Variants in LANCL1 observed in about 807,000 individuals in gnomAD.
The protein encoded by LANCL1 is LanC like glutathione S-transferase 1.
In LANCL1, 50 loss-of-function variants were observed where a neutral mutation model predicts 50.6. The ratio of observed to expected loss-of-function variants is 0.99; its 90% CI spans 0.79 to 1.25. The LOEUF is 1.25. Ranked by LOEUF, LANCL1 falls within the 50% of genes most tolerant of loss-of-function variation. The probability of loss-of-function intolerance (pLI) is 0.00; values close to 1 mark genes in which losing one functional copy is unlikely to be tolerated. For synonymous variants in LANCL1, 188 were observed against 178.6 expected, an observed-to-expected ratio of 1.05 and a Z score of -0.42; for missense variants, 532 against 480.7, an observed-to-expected ratio of 1.11 and a Z score of -1.00.
intron 3 of LANCL1, 67 bp downstream of exon 3, chr2:210,471,892 G>T: frequency 9.2e-7 from 1 of 1,088,356 alleles, no homozygotes; most frequent in Non-Finnish European, 1.4e-6. Flanking sequence ...CAGACAGACA[G>T]CTCTCGGAAA....
At chr2:210,467,133 C>G (rs1296480132) in intron 3 of LANCL1, among the ~76,000 whole-genome samples, 1 of 152,204 alleles carries the variant, frequency 6.6e-6, no homozygotes, top group Non-Finnish European at 1.5e-5. Flanking sequence ...TGATGTTAGA[C>G]AGTCTGGCAA....
In LANCL1 at chr2:210,436,290, C is replaced by A. The variant is rs527628449; in HGVS notation, c.976G>T (p.Ala326Ser). The A allele has an allele frequency of 1.9e-6, 3 of 1,614,098 alleles. No homozygotes were observed. Among genetic ancestry groups the A allele is most frequent in the South Asian group, 1.1e-5 (1 of 91,088 alleles). The change falls in exon 8 of 10, where the codon GCA (alanine) becomes TCA (serine). Residue 326 changes from alanine to serine, a missense_variant. Transcript: ENST00000450366. The stretch of plus-strand genomic sequence containing the variant: ...GTCAGGAAGGCATAGGCATTCCCTG[C>A]AGAACCGTGGCACAGCCCATATCCC... ...KKGYGLCHGSAGNAYAFLTLY... is the reference protein window; with the variant it reads ...KKGYGLCHGSSGNAYAFLTLY...
Position 210,476,657 on chromosome 2 carries a change from C to G in LANCL1, c.-54G>C. 1 of 1,239,088 alleles carries G rather than the reference C, an allele frequency of 8.1e-7. No homozygotes were observed. Among genetic ancestry groups the G allele is most frequent in the Middle Eastern group, 3.3e-4 (1 of 3,062 alleles). 76.8% of individuals were successfully genotyped at this position (1,239,088 alleles called of 1,614,324 possible). On this transcript the variant is annotated 5_prime_UTR_variant, in exon 1 of 10. Coordinates refer to ENST00000450366, the MANE Select transcript of LANCL1 (RefSeq NM_006055.3). Reference sequence around the variant, plus strand: ...GCCCCGTTTTGCAACCCCGTTCCCACGCCCGCGACTTGAAGCAAGTGCGCC... The same window carrying G: ...GCCCCGTTTTGCAACCCCGTTCCCAGGCCCGCGACTTGAAGCAAGTGCGCC...
At chr2:210,448,371 T>A (rs1471623571) in intron 4 of LANCL1, among the ~76,000 whole-genome samples, 1 of 152,200 alleles carries the variant, frequency 6.6e-6, no homozygotes, top group African/African-American at 2.4e-5. Flanking sequence ...GGGAAATTTA[T>A]AGCACTAAAT....
intron 3 of LANCL1, among the ~76,000 whole-genome samples, 196 bp from the exon 4 acceptor site, chr2:210,455,510 T>C (rs1693647152): frequency 6.6e-6 from 1 of 152,138 alleles, no homozygotes; most frequent in Non-Finnish European, 1.5e-5. Context: ...GCCAACCACT[T>C]ACTTGTCCTC....
At position 210,434,425 on chromosome 2, in the gene LANCL1, T is replaced by TA; in HGVS notation, c.*61dup. 7.8e-7 allele frequency: 1 copy of TA among 1,285,302 alleles called. No individual in the cohort carries two copies. The highest frequency in any genetic ancestry group is 1.1e-6 in the Non-Finnish European group (1 of 902,798). 79.6% of individuals were successfully genotyped at this position (1,285,302 alleles called of 1,614,324 possible). On this transcript the variant is annotated 3_prime_UTR_variant, in exon 10 of 10. Coordinates refer to ENST00000450366, the MANE Select transcript of LANCL1 (RefSeq NM_006055.3). ...TTCCTTGGAAAGCAACGGAAGCACTTAGCTTGGGTTTGAATATACAGAAAG... is the reference window on the plus strand; with the variant it reads ...TTCCTTGGAAAGCAACGGAAGCACTTAAGCTTGGGTTTGAATATACAGAAAG...
chr2:210,447,768 C>T (rs560895633), intron 4 of LANCL1, among the ~76,000 whole-genome samples: 1 of 152,260 alleles, frequency 6.6e-6, no homozygotes, highest in African/African-American at 2.4e-5. Context: ...AAGGCCATTA[C>T]ATAATGGTAA....
intron 3 of LANCL1, among the ~76,000 whole-genome samples, chr2:210,463,278 T>C (rs1419349923): frequency 6.6e-6 from 1 of 152,122 alleles, no homozygotes; most frequent in Non-Finnish European, 1.5e-5. Flanking sequence ...TGGCACGATT[T>C]TGGCTCACTG....
In LANCL1 at chr2:210,437,875, A is replaced by G; in HGVS notation, c.691-3T>C. The G allele has an allele frequency of 1.3e-6, 2 of 1,579,618 alleles. No homozygotes were observed. The highest frequency in any genetic ancestry group is 8.6e-7 in the Non-Finnish European group (1 of 1,164,660). ...CCTTGGCTCACTTGAAGGCTGGGCT[A>G]AAAATGAGAAGGAAATTATTAGTTC... On this transcript the variant is annotated splice_polypyrimidine_tract_variant and splice_region_variant and intron_variant, in intron 6 of 9. Coordinates refer to ENST00000450366, the MANE Select transcript of LANCL1 (RefSeq NM_006055.3).
Position 210,434,302 on chromosome 2 carries a change from T to C in LANCL1, c.*185A>G. 3.7e-6 allele frequency: 2 copies of C among 540,826 alleles called. No individual in the cohort carries two copies. Among genetic ancestry groups the C allele is most frequent in the South Asian group, 2.8e-5 (1 of 35,700 alleles). 33.5% of individuals were successfully genotyped at this position (540,826 alleles called of 1,614,324 possible). A position where few individuals can be genotyped will look rare whatever the true frequency, so the allele number is the denominator to read the frequency against. Reference sequence around the variant, plus strand: ...ATTAAAGTTAAAAGACTTCCTTGGATACTTCTAAGTAAAAGTAAATGATAA... The same window carrying C: ...ATTAAAGTTAAAAGACTTCCTTGGACACTTCTAAGTAAAAGTAAATGATAA... On this transcript the variant is annotated 3_prime_UTR_variant, in exon 10 of 10. Coordinates refer to ENST00000450366, the MANE Select transcript of LANCL1 (RefSeq NM_006055.3).
chr2:210,446,229 C>T (rs533338382), intron 4 of LANCL1, among the ~76,000 whole-genome samples: 8 of 132 alleles, frequency 0.061, no homozygotes, highest in African/African-American at 0.17. Context: ...TGGCATCTGG[C>T]GGGTGCCCTC....
intron 4 of LANCL1, among the ~76,000 whole-genome samples, chr2:210,448,132 G>T (rs762796481): frequency 6.6e-6 from 1 of 152,064 alleles, no homozygotes; most frequent in South Asian, 2.1e-4. Flanking sequence ...AAATGGAAAA[G>T]AATGGAAATC....
At chr2:210,460,093 AT>A (rs1346808674) in intron 3 of LANCL1, among the ~76,000 whole-genome samples, 1 of 152,210 alleles carries the variant, frequency 6.6e-6, no homozygotes, top group South Asian at 2.1e-4. Flanking sequence ...ATCTCCACAG[AT>A]ACATGAATCT....
In LANCL1 at chr2:210,431,681, A is replaced by C. The variant is rs1692750276; in HGVS notation, c.*2806T>G. On this transcript the variant is annotated 3_prime_UTR_variant, in exon 10 of 10. Transcript: ENST00000450366. ...TTCAGTTATTTAGGAAATGTTAATA[A>C]AGAAAGTAACCCTAGATCCACTTTT... 1 of 152,132 alleles carries C rather than the reference A, an allele frequency of 6.6e-6. No homozygotes were observed. Among genetic ancestry groups the C allele is most frequent in the African/African-American group, 2.4e-5 (1 of 41,418 alleles). 9.4% of individuals were successfully genotyped at this position (152,132 alleles called of 1,614,324 possible).
At chr2:210,460,990 C>G (rs1693838379) in intron 3 of LANCL1, 1 of 152,054 alleles carries the variant, frequency 6.6e-6, no homozygotes, top group African/African-American at 2.4e-5. Flanking sequence ...TGTTTTCCTT[C>G]CCCCAGTGCC....
At chr2:210,435,571 TCAGAGAAAGGAGATTAATG>T (rs1470079963) in intron 8 of LANCL1, 112 bp from the exon 9 acceptor site, 1 of 782,610 alleles carries the variant, frequency 1.3e-6, no homozygotes, top group Non-Finnish European at 2.2e-6. Context: ...TACCTTCACA[TCAGAGAAAGGAGATTAATG>T]CAGAGAAAAG....
Position 210,441,291 on chromosome 2 carries a change from A to T in LANCL1, c.543+17T>A. 6.2e-7 allele frequency: 1 copy of T among 1,606,802 alleles called. No homozygotes were observed. The highest frequency in any genetic ancestry group is 8.5e-7 in the Non-Finnish European group (1 of 1,176,728). ...TGGGATCCTAAAAAGGCTCCTAAAA[A>T]CACAAAAACGTGGTACCTGCTGAAT... is the stretch of plus-strand genomic sequence containing the variant. On this transcript the variant is annotated intron_variant, in intron 5 of 9. Transcript: ENST00000450366.
intron 3 of LANCL1, chr2:210,468,221 T>A (rs1694126454): frequency 6.6e-6 from 1 of 150,430 alleles, no homozygotes; most frequent in Admixed American, 6.6e-5. Context: ...GTGTTGTGAA[T>A]CAAAATCCAA....
At chr2:210,462,128 G>A (rs187752058) in intron 3 of LANCL1, among the ~76,000 whole-genome samples, 1 of 152,270 alleles carries the variant, frequency 6.6e-6, no homozygotes, top group East Asian at 1.9e-4. Context: ...GTTCTCTGGT[G>A]AGACCCCAGT....
Sources: gnomAD v4.1 joint callset for allele counts (sites outside exome capture counted in the v4.1 genomes callset) on GRCh38, gnomAD v4.1.1 for gene constraint, MANE v1.5 for transcripts, NCBI Gene and HGNC (gene_info 2026-07-23, HGNC 2026-07-21) for gene names.